The following DNAH17 variants were observed in gnomAD, a reference collection of about 807,000 sequenced individuals.
DNAH17 encodes dynein axonemal heavy chain 17, also known as axonemal beta dynein heavy chain 17.
In DNAH17, 376 loss-of-function variants were observed where a neutral mutation model predicts 485.6. The ratio of observed to expected loss-of-function variants is 0.77; its 90% CI spans 0.71 to 0.84. DNAH17 has a LOEUF of 0.84. Ranked by LOEUF, DNAH17 falls within the 40% of genes least tolerant of loss-of-function variation. The pLI, the probability that DNAH17 is intolerant of heterozygous loss-of-function variation, is 0.00. For missense variants in DNAH17, 6,370 were observed against 5,839.3 expected (o/e 1.09, Z -2.96); for synonymous variants, 3,031 against 2,405.9 (o/e 1.26, Z -7.60).
At position 78,572,718 on chromosome 17, in the gene DNAH17, C is replaced by T. The variant is rs768424459; in HGVS notation, c.522G>A (p.Thr174=). The change falls in exon 3 of 81, where the codon ACG becomes ACA. Residue 174 remains threonine (T), a synonymous_variant. Coordinates refer to ENST00000389840, the MANE Select transcript of DNAH17 (RefSeq NM_173628.4). ...CCACACACCTCTCCATGGACTCCAGCGTGCCATCCAGGCTGCCCAGGTGCT... is the reference window on the plus strand; with the variant it reads ...CCACACACCTCTCCATGGACTCCAGTGTGCCATCCAGGCTGCCCAGGTGCT... ...IPEHLGSLDG[T]LESMERIPSS... The T allele has an allele frequency of 1.2e-5, 20 of 1,607,494 alleles. No homozygotes were observed. The highest frequency in any genetic ancestry group is 1.5e-5 in the Non-Finnish European group (18 of 1,177,280).
At chr17:78,456,990 CCT>C (rs1466892107) in intron 62 of DNAH17, among the ~76,000 whole-genome samples, 1 of 152,222 alleles carries the variant, frequency 6.6e-6, no homozygotes, top group Non-Finnish European at 1.5e-5. Flanking sequence ...GGCACACTCC[CCT>C]GTTGTTCAGC....
chr17:78,472,521 G>A, intron 54 of DNAH17: 1 of 280,224 alleles, frequency 3.6e-6, no homozygotes, highest in Admixed American at 5.7e-5. Context: ...CCCTCATTCT[G>A]CTGACAGGCT....
Position 78,558,160 on chromosome 17 carries a change from G to T in DNAH17, c.2126C>A (p.Thr709Asn). 1 of 1,613,864 alleles carries T rather than the reference G, an allele frequency of 6.2e-7. No individual in the cohort carries two copies. Among genetic ancestry groups the T allele is most frequent in the Non-Finnish European group, 8.5e-7 (1 of 1,179,836 alleles). ...SAESLFSENE[T>N]FRKFVGNLEL... ...CAGGTTGCCCACAAACTTCCGGAAA[G>T]TTTCGTTCTCTGAGAACAGACTCTC... Residue 709 changes from threonine to asparagine, a missense_variant, in exon 14 of 81, where the codon ACT (threonine) becomes AAT (asparagine). Coordinates refer to ENST00000389840, the MANE Select transcript of DNAH17 (RefSeq NM_173628.4).
chr17:78,543,043 C>T (rs1311988154), intron 17 of DNAH17, among the ~76,000 whole-genome samples: 5 of 152,214 alleles, frequency 3.3e-5, no homozygotes, highest in Non-Finnish European at 7.3e-5. Context: ...ATAAGAGGAA[C>T]CAGGCTTGGA....
chr17:78,571,500 C>CCTGGGAGGTTGGCA, intron 4 of DNAH17, 90 bp downstream of exon 4: 1 of 1,529,030 alleles, frequency 6.5e-7, no homozygotes, highest in Non-Finnish European at 9.1e-7. Flanking sequence ...CCTCAGGACT[C>CCTGGGAGGTTGGCA]CTGGGAGGTT....
intron 54 of DNAH17, among the ~76,000 whole-genome samples, chr17:78,474,950 C>T (rs59985825): frequency 0.23 from 28,839 of 126,778 alleles, 3,907 homozygotes; most frequent in African/African-American, 0.45. Context: ...GGTTTCAGAC[C>T]CTTCACCTCA....
Position 78,510,515 on chromosome 17 carries a change from A to G in DNAH17, c.4114-9T>C. The G allele has an allele frequency of 6.2e-7, 1 of 1,613,638 alleles. No individual in the cohort carries two copies. Among genetic ancestry groups the G allele is most frequent in the Non-Finnish European group, 8.5e-7 (1 of 1,179,610 alleles). On this transcript the variant is annotated splice_polypyrimidine_tract_variant and intron_variant, in intron 26 of 80. Coordinates refer to ENST00000389840, the MANE Select transcript of DNAH17 (RefSeq NM_173628.4). ...GACATTTTAAATTTCACCTAAGGGAAAAAAATCCAGGCAGGATTCATTTCA... is the reference window on the plus strand; with the variant it reads ...GACATTTTAAATTTCACCTAAGGGAGAAAAATCCAGGCAGGATTCATTTCA...
chr17:78,484,739 A>ACCCCCCTGCTCCCCCCCCCCCCCC, intron 48 of DNAH17, 129 bp downstream of exon 48: 1 of 347,798 alleles, frequency 2.9e-6, no homozygotes, highest in Non-Finnish European at 4.6e-6. Flanking sequence ...ACGTTGCAGC[A>ACCCCCCTGCTCCCCCCCCCCCCCC]CCCCCCCCAC....
chr17:78,548,846 G>C (rs538826498), intron 16 of DNAH17, among the ~76,000 whole-genome samples: 2 of 152,354 alleles, frequency 1.3e-5, no homozygotes, highest in Non-Finnish European at 2.9e-5. Context: ...GCATCTGAGG[G>C]CATGTGCCTG....
At chr17:78,569,333 C>T (rs1451682143) in intron 8 of DNAH17, 42 bp downstream of exon 8, 2 of 1,608,254 alleles carry the variant, frequency 1.2e-6, no homozygotes, top group Admixed American at 1.7e-5. Flanking sequence ...CATATGAACT[C>T]ACTCGTCCTG....
In DNAH17 at chr17:78,498,136, C is replaced by T. The variant is rs1310121686; in HGVS notation, c.5745+872G>A. ...AGCCTGGGCAACAAGAGTAAAACTCCGTCTCAAAAAAACAAAACATAAATA... is the reference window on the plus strand; with the variant it reads ...AGCCTGGGCAACAAGAGTAAAACTCTGTCTCAAAAAAACAAAACATAAATA... On this transcript the variant is annotated intron_variant, in intron 37 of 80. Coordinates refer to ENST00000389840, the MANE Select transcript of DNAH17 (RefSeq NM_173628.4). 7.3e-4 allele frequency among the ~76,000 whole-genome samples: 40 copies of T among 54,932 alleles called. No individual in the cohort carries two copies. The Admixed American group carries it at 7.5e-3, about 10-fold the overall frequency. 36.0% of individuals were successfully genotyped at this position (54,932 alleles called of 152,430 possible).
chr17:78,484,953 CG>C lies in DNAH17; in HGVS notation c.7563del (p.Ile2521MetfsTer4). 1 of 1,612,696 alleles carries C rather than the reference CG, an allele frequency of 6.2e-7. No homozygotes were observed. Among genetic ancestry groups the C allele is most frequent in the Non-Finnish European group, 8.5e-7 (1 of 1,179,318 alleles). On this transcript the variant is annotated frameshift_variant, in exon 48 of 81. Transcript: ENST00000389840. LOFTEE classifies it high-confidence loss of function. ...TCCACCTCGGGCATGTTCATGTCGT[CG>C]ATGAAGTAGACGAGCTTCTTAGTGC... ...PPGTKKLVYF[I>X]DDMNMPEVDK...
intron 20 of DNAH17, among the ~76,000 whole-genome samples, chr17:78,531,094 C>T (rs2091223849): frequency 6.6e-6 from 1 of 152,198 alleles, no homozygotes; most frequent in Admixed American, 6.6e-5. Flanking sequence ...TCCAATGTTT[C>T]TTTGCTGATT....
intron 20 of DNAH17, among the ~76,000 whole-genome samples, chr17:78,531,440 A>T (rs773182264): frequency 6.8e-6 from 1 of 147,382 alleles, no homozygotes; most frequent in Non-Finnish European, 1.5e-5. Context: ...CTGGGTTCAC[A>T]CCATTCTCTT....
In DNAH17 at chr17:78,424,004, T is replaced by G. The variant is rs78023288; in HGVS notation, c.13291A>C (p.Ile4431Leu). 6.2e-7 allele frequency: 1 copy of G among 1,613,908 alleles called. No homozygotes were observed. Among genetic ancestry groups the G allele is most frequent in the Non-Finnish European group, 8.5e-7 (1 of 1,179,910 alleles). The change falls in exon 81 of 81, where the codon ATC (isoleucine) becomes CTC (leucine). Residue 4431 changes from isoleucine to leucine, a missense_variant. Coordinates refer to ENST00000389840, the MANE Select transcript of DNAH17 (RefSeq NM_173628.4). Reference protein sequence around the residue: ...IYECPVYKTRIRGPTYVWTFN... With the variant: ...IYECPVYKTRLRGPTYVWTFN... The stretch of plus-strand genomic sequence containing the variant: ...GTCCAGACATAGGTGGGGCCGCGGA[T>G]GCGTGTTTTGTACACGGGACACTCA...
At position 78,500,761 on chromosome 17, in the gene DNAH17, G is replaced by A. The variant is rs143460696; in HGVS notation, c.5484-300C>T. 6.7e-3 allele frequency: 1,514 copies of A among 227,084 alleles called. 23 individuals are homozygous for A. Among genetic ancestry groups the A allele is most frequent in the African/African-American group, 0.032 (1,395 of 43,694 alleles). The allele number at this position is 227,084 out of a possible 1,614,324, so 14.1% of individuals were successfully genotyped here. On this transcript the variant is annotated intron_variant, in intron 35 of 80. Coordinates refer to ENST00000389840, the MANE Select transcript of DNAH17 (RefSeq NM_173628.4). ...TGACGTCAGGTGATCCACCCACCTC[G>A]GCCTCCCAAAGTGCTGGGATTACAG... is the stretch of plus-strand genomic sequence containing the variant.
At chr17:78,573,616 G>A (rs1263585221) in intron 2 of DNAH17, among the ~76,000 whole-genome samples, 6 of 86,032 alleles carry the variant, frequency 7.0e-5, no homozygotes, top group African/African-American at 8.2e-5. Flanking sequence ...AAAAAAAGAG[G>A]TGAGTAATTA....
intron 18 of DNAH17, among the ~76,000 whole-genome samples, chr17:78,539,302 C>T (rs2091460256): frequency 6.6e-6 from 1 of 152,120 alleles, no homozygotes; most frequent in Admixed American, 6.6e-5. Flanking sequence ...AGCATGCCTC[C>T]ATGGGATTAA....
intron 56 of DNAH17, among the ~76,000 whole-genome samples, chr17:78,463,602 G>A (rs551969909): frequency 2.6e-5 from 4 of 152,322 alleles, no homozygotes; most frequent in African/African-American, 7.2e-5. Context: ...CTATATGCAC[G>A]TGCATGTGCA....
Sources: allele counts gnomAD v4.1 joint callset (sites outside exome capture counted in the v4.1 genomes callset), GRCh38; gene constraint gnomAD v4.1.1; transcripts MANE v1.5; gene names NCBI Gene and HGNC (gene_info 2026-07-23, HGNC 2026-07-21).